The following MED13L variants were observed in gnomAD, a reference collection of about 807,000 sequenced individuals.
MED13L encodes the protein mediator of RNA polymerase II transcription subunit 13-like.
In MED13L, 7 loss-of-function variants were observed where a neutral mutation model predicts 220.9. The observed-to-expected ratio is 0.03, with a 90% CI of 0.02 to 0.06. The LOEUF (loss-of-function observed/expected upper bound fraction) is 0.06. Among genes scored for constraint, MED13L ranks in the 10% least tolerant of loss-of-function variants. MED13L has a pLI of 1.00. For missense variants in MED13L, 1,965 were observed against 2,760.5 expected (o/e 0.71, Z 6.46); for synonymous variants, 1,011 against 1,015.2 (o/e 1.00, Z 0.08).
At chr12:115,996,905 A>C in intron 15 of MED13L, 105 bp downstream of exon 15, 1 of 1,254,944 alleles carries the variant, frequency 8.0e-7, no homozygotes, top group Non-Finnish European at 1.2e-6. Context: ...GATTCTTAGG[A>C]ACTTATGTAT....
intron 4 of MED13L, among the ~76,000 whole-genome samples, chr12:116,076,519 A>T (rs1387183818): frequency 1.3e-5 from 2 of 152,214 alleles, no homozygotes; most frequent in African/African-American, 2.4e-5. Context: ...CCTGAGTGAC[A>T]GAGCAAGGCT....
At chr12:116,152,127 T>C (rs1878085885) in intron 2 of MED13L, among the ~76,000 whole-genome samples, 2 of 152,186 alleles carry the variant, frequency 1.3e-5, no homozygotes, top group South Asian at 4.1e-4. Flanking sequence ...CTCTCTCCCC[T>C]GCTGGATTAT....
chr12:115,970,056 T>G (rs546157235), intron 27 of MED13L, among the ~76,000 whole-genome samples: 1 of 152,340 alleles, frequency 6.6e-6, no homozygotes, highest in East Asian at 1.9e-4. Context: ...AAATAAACAC[T>G]GGTAGGTGTT....
intron 2 of MED13L, among the ~76,000 whole-genome samples, chr12:116,112,132 C>T (rs1874142595): frequency 6.6e-6 from 1 of 152,040 alleles, no homozygotes; most frequent in Non-Finnish European, 1.5e-5. Context: ...TAACATTGAG[C>T]CACAAGTAAC....
At chr12:116,238,041 C>G (rs1197677296) in intron 1 of MED13L, among the ~76,000 whole-genome samples, 1 of 152,194 alleles carries the variant, frequency 6.6e-6, no homozygotes, top group African/African-American at 2.4e-5. Context: ...CAATATTCAA[C>G]TCACAAATTA....
At chr12:116,094,343 C>T (rs1321204201) in intron 4 of MED13L, among the ~76,000 whole-genome samples, 3 of 152,162 alleles carry the variant, frequency 2.0e-5, no homozygotes, top group Non-Finnish European at 4.4e-5. Context: ...AACAAAGTCC[C>T]ATATTCAATC....
At chr12:116,160,863 T>C (rs1878807494) in intron 2 of MED13L, among the ~76,000 whole-genome samples, 1 of 152,028 alleles carries the variant, frequency 6.6e-6, no homozygotes, top group Non-Finnish European at 1.5e-5. Flanking sequence ...CCACCGTGCC[T>C]GGCCTGCAAA....
At chr12:116,119,809 T>TAAAAAA (rs57622950) in intron 2 of MED13L, among the ~76,000 whole-genome samples, 2 of 38,786 alleles carry the variant, frequency 5.2e-5, no homozygotes, top group East Asian at 7.0e-4. Context: ...CCCATATCTT[T>TAAAAAA]AAAAAAAAAA....
At chr12:116,092,655 A>G (rs935869613) in intron 4 of MED13L, among the ~76,000 whole-genome samples, 2 of 152,238 alleles carry the variant, frequency 1.3e-5, no homozygotes, top group African/African-American at 4.8e-5. Context: ...TTAAATATGT[A>G]TGTTAGGTAA....
At chr12:116,261,109 C>A (rs531616485) in intron 1 of MED13L, among the ~76,000 whole-genome samples, 2 of 152,302 alleles carry the variant, frequency 1.3e-5, no homozygotes, top group South Asian at 2.1e-4. Context: ...AAAGGCCCCA[C>A]TCTACCCATT....
intron 4 of MED13L, among the ~76,000 whole-genome samples, chr12:116,076,887 C>G (rs1169417225): frequency 6.6e-6 from 1 of 152,186 alleles, no homozygotes; most frequent in East Asian, 1.9e-4. Flanking sequence ...GGGCAGAGCA[C>G]AAATGGACAT....
chr12:116,193,106 G>A (rs1406703537), intron 2 of MED13L, among the ~76,000 whole-genome samples: 3 of 151,906 alleles, frequency 2.0e-5, no homozygotes, highest in Admixed American at 6.6e-5. Context: ...TCCAGCCTGG[G>A]CAACAGAGCA....
chr12:116,141,448 A>T (rs1877067650), intron 2 of MED13L, among the ~76,000 whole-genome samples: 1 of 152,214 alleles, frequency 6.6e-6, no homozygotes, highest in African/African-American at 2.4e-5. Flanking sequence ...AAAATATGCA[A>T]ATACAATTAT....
intron 1 of MED13L, among the ~76,000 whole-genome samples, chr12:116,257,322 C>T (rs1186914942): frequency 6.6e-6 from 1 of 152,212 alleles, no homozygotes; most frequent in Non-Finnish European, 1.5e-5. Flanking sequence ...CTTTACACTG[C>T]TGTGGATAAC....
At chr12:115,962,480 G>T (rs1875833851) in intron 30 of MED13L, among the ~76,000 whole-genome samples, 1 of 152,118 alleles carries the variant, frequency 6.6e-6, no homozygotes, top group South Asian at 2.1e-4. Context: ...CATGGACGGG[G>T]GTTGGGGACC....
chr12:116,084,650 T>C (rs916168064), intron 4 of MED13L, among the ~76,000 whole-genome samples: 2 of 152,006 alleles, frequency 1.3e-5, no homozygotes, highest in Non-Finnish European at 2.9e-5. Context: ...CCGGGCGTGG[T>C]GGCATGCACC....
chr12:115,972,868 C>T (rs2137232956), intron 25 of MED13L, among the ~76,000 whole-genome samples: 1 of 152,238 alleles, frequency 6.6e-6, no homozygotes, highest in Middle Eastern at 3.4e-3. Context: ...AACTGGAGCA[C>T]TGTGGAGGAT....
At chr12:116,148,074 A>AAAAAAAAAAAAAAGG (rs1377801971) in intron 2 of MED13L, among the ~76,000 whole-genome samples, 1 of 98,340 alleles carries the variant, frequency 1.0e-5, no homozygotes, top group African/African-American at 3.9e-5. Flanking sequence ...AAAAAAAAAA[A>AAAAAAAAAAAAAAGG]GAGGGGGGCG....
chr12:115,988,978 C>T (rs1352127846), intron 17 of MED13L, among the ~76,000 whole-genome samples: 1 of 152,152 alleles, frequency 6.6e-6, no homozygotes, highest in African/African-American at 2.4e-5. Context: ...TGTGCTTGAA[C>T]CTAAGCAGTT....
Sources: allele counts gnomAD v4.1 joint callset (sites outside exome capture counted in the v4.1 genomes callset), GRCh38; gene constraint gnomAD v4.1.1; transcripts MANE v1.5; gene names NCBI Gene and HGNC (gene_info 2026-07-23, HGNC 2026-07-21).